The following SLC24A4 variants were observed in gnomAD, a reference collection of about 807,000 sequenced individuals.
The protein encoded by SLC24A4 is sodium/potassium/calcium exchanger 4.
A neutral mutation model predicts 79.0 loss-of-function variants in SLC24A4; 53 were observed. The observed-to-expected ratio is 0.67, with a 90% CI of 0.54 to 0.84. The LOEUF (loss-of-function observed/expected upper bound fraction) is 0.84. Ranked by LOEUF, SLC24A4 falls within the 40% of genes least tolerant of loss-of-function variation. The pLI, the probability that SLC24A4 is intolerant of heterozygous loss-of-function variation, is 0.00. For missense variants in SLC24A4, 731 were observed against 822.0 expected (o/e 0.89, Z 1.35); for synonymous variants, 323 against 323.8 (o/e 1.00, Z 0.03).
Position 92,496,296 on chromosome 14 carries a change from T to G in SLC24A4, c.*2668T>G, listed in dbSNP as rs1218231045. 1 of 152,646 alleles carries G rather than the reference T, an allele frequency of 6.6e-6. No homozygotes were observed. The highest frequency in any genetic ancestry group is 1.5e-5 in the Non-Finnish European group (1 of 68,042). 9.5% of individuals were successfully genotyped at this position (152,646 alleles called of 1,614,324 possible). ...AAAATTCTCTTTTTTAACTAAATAT[T>G]TTTCCATCACAAATTTAAAGAATTG... On this transcript the variant is annotated 3_prime_UTR_variant, in exon 17 of 17. Coordinates refer to ENST00000532405, the MANE Select transcript of SLC24A4 (RefSeq NM_153646.4).
intron 2 of SLC24A4, among the ~76,000 whole-genome samples, chr14:92,372,754 A>T (rs921020630): frequency 2.0e-5 from 3 of 151,900 alleles, no homozygotes; most frequent in Non-Finnish European, 4.4e-5. Flanking sequence ...CTTGTCCCTC[A>T]TGTGTCAAGT....
At chr14:92,486,625 C>T (rs745624978) in intron 13 of SLC24A4, 41 bp from the exon 14 acceptor site, 3 of 1,270,144 alleles carry the variant, frequency 2.4e-6, no homozygotes, top group Non-Finnish European at 3.5e-6. Context: ...AGTCCACACA[C>T]TGTTGGTTGA....
intron 12 of SLC24A4, among the ~76,000 whole-genome samples, chr14:92,457,027 G>C (rs910481618): frequency 4.6e-5 from 7 of 152,188 alleles, no homozygotes; most frequent in Non-Finnish European, 1.0e-4. Flanking sequence ...TATTTGCTGG[G>C]ACAGGAGATT....
intron 2 of SLC24A4, among the ~76,000 whole-genome samples, chr14:92,366,973 G>A (rs1243249749): frequency 6.6e-6 from 1 of 152,134 alleles, no homozygotes; most frequent in African/African-American, 2.4e-5. Flanking sequence ...TGCCTTCCTG[G>A]CCCTCCTGGC....
At chr14:92,339,933 T>C (rs181915558) in intron 2 of SLC24A4, among the ~76,000 whole-genome samples, 1 of 152,208 alleles carries the variant, frequency 6.6e-6, no homozygotes, top group Non-Finnish European at 1.5e-5. Context: ...TTGTCTTACT[T>C]GGGGTGTCAA....
chr14:92,412,251 T>TA (rs1890759411), intron 2 of SLC24A4, among the ~76,000 whole-genome samples: 1 of 152,162 alleles, frequency 6.6e-6, no homozygotes, highest in Non-Finnish European at 1.5e-5. Context: ...CCCAGGCTCT[T>TA]ACCCGAAACG....
chr14:92,442,124 C>T lies in SLC24A4; in HGVS notation c.429C>T (p.Thr143=). The T allele has an allele frequency of 6.2e-7, 1 of 1,613,988 alleles. No homozygotes were observed. The highest frequency in any genetic ancestry group is 1.1e-5 in the South Asian group (1 of 91,060). ...LHLSEDVAGA[T]FMAAGSSTPE... ...TGAGCGAAGATGTGGCTGGAGCCAC[C>T]TTCATGGCTGCAGGAAGCTCAACGC... The change falls in exon 5 of 17, where the codon ACC becomes ACT. Residue 143 remains threonine, a synonymous_variant. Coordinates refer to ENST00000532405, the MANE Select transcript of SLC24A4 (RefSeq NM_153646.4).
intron 2 of SLC24A4, among the ~76,000 whole-genome samples, chr14:92,362,962 G>A (rs1304158333): frequency 3.3e-5 from 5 of 152,220 alleles, no homozygotes; most frequent in African/African-American, 7.2e-5. Flanking sequence ...CCGAGAAGAC[G>A]AGGCGCTCAG....
At chr14:92,473,132 A>G (rs1392831617) in intron 12 of SLC24A4, among the ~76,000 whole-genome samples, 3 of 152,174 alleles carry the variant, frequency 2.0e-5, no homozygotes, top group Admixed American at 1.3e-4. Flanking sequence ...TCTGTGTCTT[A>G]CCACACCTGA....
intron 2 of SLC24A4, among the ~76,000 whole-genome samples, chr14:92,388,892 G>A (rs111884573): frequency 6.0e-4 from 91 of 152,316 alleles, no homozygotes; most frequent in African/African-American, 2.1e-3. Context: ...GCCTGCATGC[G>A]GAGCAGAGAG....
At chr14:92,436,922 T>C (rs1274524885) in intron 3 of SLC24A4, among the ~76,000 whole-genome samples, 1 of 152,180 alleles carries the variant, frequency 6.6e-6, no homozygotes, top group African/African-American at 2.4e-5. Context: ...TCTTTTTACT[T>C]CTCTTCCCCA....
At chr14:92,373,194 G>GCA (rs955866362) in intron 2 of SLC24A4, among the ~76,000 whole-genome samples, 20 of 31,150 alleles carry the variant, frequency 6.4e-4, no homozygotes, top group Admixed American at 2.1e-3. Flanking sequence ...ACACACACAC[G>GCA]CACACACACA....
chr14:92,388,754 C>T (rs578095142), intron 2 of SLC24A4, among the ~76,000 whole-genome samples: 1 of 152,270 alleles, frequency 6.6e-6, no homozygotes, highest in South Asian at 2.1e-4. Context: ...GCAGGACTTG[C>T]TTTATCAACC....
chr14:92,386,002 G>A (rs1007380451), intron 2 of SLC24A4, among the ~76,000 whole-genome samples: 2 of 152,062 alleles, frequency 1.3e-5, no homozygotes, highest in East Asian at 1.9e-4. Context: ...GGTTCTGGGG[G>A]CTTCAAGGCA....
At chr14:92,369,010 CCAT>C (rs1888006173) in intron 2 of SLC24A4, among the ~76,000 whole-genome samples, 1 of 152,126 alleles carries the variant, frequency 6.6e-6, no homozygotes, top group South Asian at 2.1e-4. Context: ...CTAGGGAGCC[CCAT>C]CATCCTGAGG....
chr14:92,448,629 C>G (rs1892951400), intron 9 of SLC24A4, among the ~76,000 whole-genome samples: 1 of 152,122 alleles, frequency 6.6e-6, no homozygotes, highest in African/African-American at 2.4e-5. Flanking sequence ...AGAGACTCTT[C>G]CCTCAGGGGT....
chr14:92,490,061 C>T lies in SLC24A4; in HGVS notation c.1538-1604C>T, dbSNP rs2139943103. Among the ~76,000 whole-genome samples the T allele has an allele frequency of 6.6e-6, 1 of 152,236 alleles. No individual in the cohort carries two copies. The highest frequency in any genetic ancestry group is 2.1e-4 in the South Asian group (1 of 4,822). Reference sequence around the variant, plus strand: ...AGTGTAAGGGGCCAACAGATGACAGCAACAAGCAGGGGAGGAGGAGGTGAC... The same window carrying T: ...AGTGTAAGGGGCCAACAGATGACAGTAACAAGCAGGGGAGGAGGAGGTGAC... On this transcript the variant is annotated intron_variant, in intron 14 of 16. Transcript: ENST00000532405. This position sits in a 1 kb window ranked among gnomAD's most constrained non-coding sequence, Gnocchi z 4.3.
At chr14:92,393,447 G>C (rs1331620375) in intron 2 of SLC24A4, among the ~76,000 whole-genome samples, 1 of 152,152 alleles carries the variant, frequency 6.6e-6, no homozygotes, top group Non-Finnish European at 1.5e-5. Flanking sequence ...AACGGTGCAG[G>C]GGAGCTGGCT....
chr14:92,426,260 C>G (rs1302377053), intron 2 of SLC24A4, among the ~76,000 whole-genome samples: 11 of 152,106 alleles, frequency 7.2e-5, no homozygotes, highest in Non-Finnish European at 1.5e-5. Flanking sequence ...GTATTTGCAT[C>G]TGATGAGACC....
Sources: allele counts gnomAD v4.1 joint callset (sites outside exome capture counted in the v4.1 genomes callset), GRCh38; gene constraint gnomAD v4.1.1; non-coding constraint Gnocchi (gnomAD v3.1); transcripts MANE v1.5; gene names NCBI Gene and HGNC (gene_info 2026-07-23, HGNC 2026-07-21).